SFXN2: variants seen among roughly 807,000 people sequenced by gnomAD.
The protein encoded by SFXN2 is sideroflexin 2, also known as sideroflexin-2.
Under a neutral mutation model 41.9 loss-of-function variants are expected in SFXN2, and 37 were observed. The ratio of observed to expected loss-of-function variants is 0.88; its 90% confidence interval spans 0.68 to 1.16. The LOEUF is 1.16. Among genes scored for constraint, SFXN2 ranks in the 50% most tolerant of loss-of-function variants. SFXN2 has a pLI of 0.00. For synonymous variants in SFXN2, 150 were observed against 156.7 expected, an observed-to-expected ratio of 0.96 and a Z score of 0.32; for missense variants, 386 against 425.2, an observed-to-expected ratio of 0.91 and a Z score of 0.81.
chr10:102,718,778 G>C (rs1462686537), intron 1 of SFXN2, among the ~76,000 whole-genome samples: 1 of 152,090 alleles, frequency 6.6e-6, no homozygotes, highest in Non-Finnish European at 1.5e-5. Flanking sequence ...CCCCAACACT[G>C]TCCCTTCTGC....
chr10:102,727,214 G>T (rs186175560), intron 3 of SFXN2, 57 bp downstream of exon 3: 2 of 1,538,138 alleles, frequency 1.3e-6, no homozygotes, highest in Non-Finnish European at 1.8e-6. Context: ...GCTGGTCAGG[G>T]AGCCATACTA....
chr10:102,715,360 T>C (rs2064393407), intron 1 of SFXN2: 1 of 152,468 alleles, frequency 6.6e-6, no homozygotes, highest in African/African-American at 2.4e-5. Flanking sequence ...CTGGCCGGTT[T>C]TGCTAAGCTG....
intron 1 of SFXN2, among the ~76,000 whole-genome samples, chr10:102,723,046 A>T (rs2064533189): frequency 7.3e-6 from 1 of 136,454 alleles, no homozygotes; most frequent in South Asian, 2.4e-4. Flanking sequence ...TTCCTCCCAC[A>T]TCAGCCTCCC....
chr10:102,729,286 GC>G (rs765930143), intron 4 of SFXN2, 32 bp from the exon 5 acceptor site: 12 of 1,609,838 alleles, frequency 7.5e-6, no homozygotes, highest in Non-Finnish European at 1.0e-5. Flanking sequence ...GCCGGCAGGG[GC>G]CCCACTCCCA....
intron 1 of SFXN2, among the ~76,000 whole-genome samples, chr10:102,719,568 C>A (rs1190187351): frequency 1.3e-5 from 2 of 152,112 alleles, no homozygotes; most frequent in Non-Finnish European, 2.9e-5. Context: ...GGTTTGTCCT[C>A]AGCTCTCTCC....
chr10:102,726,408 G>A (rs2064593970), intron 1 of SFXN2: 2 of 567,290 alleles, frequency 3.5e-6, no homozygotes, highest in Non-Finnish European at 3.2e-6. Context: ...CAAGCACAGA[G>A]CTGGCCACCA....
rs1181506684 is a variant in SFXN2, at chr10:102,735,481, T to TTCCCCATCCATGTTGCTCC, written c.822-376_822-375insATCCATGTTGCTCCTCCCC. Among the ~76,000 whole-genome samples, 18 of 130,692 alleles carry TTCCCCATCCATGTTGCTCC rather than the reference T, an allele frequency of 1.4e-4. No individual in the cohort carries two copies. In the East Asian group the frequency reaches 4.7e-3, roughly 34 times the overall value. 85.7% of individuals were successfully genotyped at this position (130,692 alleles called of 152,430 possible). A position where few individuals can be genotyped will look rare whatever the true frequency, so the allele number is the denominator to read the frequency against. ...GATGCTCCTCCCCTCCATGTCGCTC[T>TTCCCCATCCATGTTGCTCC]TCCCCCTCCATGTTGCTCCTCCCCC... On this transcript the variant is annotated intron_variant, in intron 10 of 11. Transcript: ENST00000369893.
chr10:102,720,257 A>T (rs562108817), intron 1 of SFXN2, among the ~76,000 whole-genome samples: 10 of 131,292 alleles, frequency 7.6e-5, no homozygotes, highest in African/African-American at 3.0e-4. Context: ...GCACCACTGC[A>T]CTCCAGTCTG....
chr10:102,724,184 G>A (rs768478551), intron 1 of SFXN2, among the ~76,000 whole-genome samples: 5 of 152,114 alleles, frequency 3.3e-5, no homozygotes, highest in Non-Finnish European at 5.9e-5. Flanking sequence ...ACGTGATCTC[G>A]TTCTTTTTTG....
At position 102,729,737 on chromosome 10, in the gene SFXN2, G is replaced by T; in HGVS notation, c.522G>T (p.Leu174Phe). Residue 174 changes from leucine (L) to phenylalanine (F), a missense_variant, in exon 6 of 12, where the codon TTG becomes TTT. Leu to Phe is a conservative substitution (Grantham distance 22). Transcript: ENST00000369893. ...TCCCCCAACAGAAAGCGCCGCCCTT[G>T]GTGGGCCGCTGGGTGCCCTTTGCCG... is the stretch of plus-strand genomic sequence containing the variant. ...MNMLTKKAPP[L>F]VGRWVPFAAV... 1 of 1,614,016 alleles carries T rather than the reference G, an allele frequency of 6.2e-7. No homozygotes were observed. The highest frequency in any genetic ancestry group is 8.5e-7 in the Non-Finnish European group (1 of 1,180,038).
intron 1 of SFXN2, among the ~76,000 whole-genome samples, chr10:102,723,355 G>A (rs1223424345): frequency 1.3e-5 from 2 of 151,698 alleles, no homozygotes; most frequent in South Asian, 2.1e-4. Flanking sequence ...AGGTACAAGC[G>A]ATTCTCCTGC....
chr10:102,727,612 A>G, intron 3 of SFXN2: 1 of 155,754 alleles, frequency 6.4e-6, no homozygotes, highest in Non-Finnish European at 1.4e-5. Flanking sequence ...TGGACATGTG[A>G]CTCTTCTTCC....
chr10:102,721,046 C>T (rs1209798246), intron 1 of SFXN2, among the ~76,000 whole-genome samples: 1 of 152,170 alleles, frequency 6.6e-6, no homozygotes, highest in Non-Finnish European at 1.5e-5. Context: ...CTCTGAGGTT[C>T]TGGACTCTGA....
At chr10:102,736,059 C>T (rs2064772841) in intron 11 of SFXN2, 150 bp downstream of exon 11, 4 of 784,362 alleles carry the variant, frequency 5.1e-6, no homozygotes, top group Non-Finnish European at 8.7e-6. Flanking sequence ...GGCTGGGCCT[C>T]TTAACCCTGG....
At chr10:102,718,918 C>CTTTTTTTTTTTTTTT in intron 1 of SFXN2, among the ~76,000 whole-genome samples, 1 of 74,300 alleles carries the variant, frequency 1.3e-5, no homozygotes, top group Non-Finnish European at 2.4e-5. Context: ...TTCTCGGCTT[C>CTTTTTTTTTTTTTTT]TTTTTTTTTT....
intron 1 of SFXN2, among the ~76,000 whole-genome samples, chr10:102,719,398 T>A (rs2064472745): frequency 6.8e-6 from 1 of 147,758 alleles, no homozygotes; most frequent in African/African-American, 2.5e-5. Context: ...ATTTTTGTAT[T>A]TTTTTTTTTT....
chr10:102,727,195 C>T (rs750452454), intron 3 of SFXN2, 38 bp downstream of exon 3: 9 of 1,571,938 alleles, frequency 5.7e-6, no homozygotes, highest in Non-Finnish European at 7.0e-6. Flanking sequence ...GGTACAGCTG[C>T]CTGGATCTGC....
chr10:102,727,477 C>T (rs1049075233), intron 3 of SFXN2, among the ~76,000 whole-genome samples: 1 of 152,098 alleles, frequency 6.6e-6, no homozygotes, highest in African/African-American at 2.4e-5. Context: ...AAATAAGCTA[C>T]CCCAATTCCC....
At chr10:102,721,623 A>C (rs1421353433) in intron 1 of SFXN2, among the ~76,000 whole-genome samples, 7 of 147,888 alleles carry the variant, frequency 4.7e-5, no homozygotes, top group Non-Finnish European at 1.5e-5. Flanking sequence ...TTATATAGTT[A>C]TATAATTTAT....
Sources: gnomAD v4.1 joint callset for allele counts (sites outside exome capture counted in the v4.1 genomes callset) on GRCh38, gnomAD v4.1.1 for gene constraint, MANE v1.5 for transcripts, NCBI Gene and HGNC (gene_info 2026-07-23, HGNC 2026-07-21) for gene names.